SNX29: variants seen among roughly 807,000 people sequenced by gnomAD.
SNX29 encodes the protein sorting nexin-29.
Under a neutral mutation model 102.1 loss-of-function variants are expected in SNX29, and 78 were observed. The ratio of observed to expected loss-of-function variants is 0.76; its 90% CI spans 0.64 to 0.92. SNX29 has a LOEUF of 0.92. Among genes scored for constraint, SNX29 ranks in the 40% least tolerant of loss-of-function variants. The pLI is 0.00. For synonymous variants in SNX29, 580 were observed against 414.5 expected (o/e 1.40, Z -4.85); for missense variants, 1,280 against 1,061.7 (o/e 1.21, Z -2.86).
intron 19 of SNX29, among the ~76,000 whole-genome samples, chr16:12,478,968 G>A (rs1189289932): frequency 6.6e-6 from 1 of 152,184 alleles, no homozygotes; most frequent in Non-Finnish European, 1.5e-5. Flanking sequence ...AGTCTGATTG[G>A]AAGGTAGAGC....
intron 15 of SNX29, among the ~76,000 whole-genome samples, chr16:12,286,784 T>C (rs2079612597): frequency 6.6e-6 from 1 of 152,154 alleles, no homozygotes; most frequent in African/African-American, 2.4e-5. Flanking sequence ...CTGTATCCCG[T>C]CCCACCCATC....
intron 4 of SNX29, among the ~76,000 whole-genome samples, chr16:12,041,071 T>C (rs2049861167): frequency 6.6e-6 from 1 of 152,124 alleles, no homozygotes. Context: ...CCTCCCAAAG[T>C]GCTTGGATTA....
Position 12,570,699 on chromosome 16 carries a change from C to G in SNX29, c.*2070C>G, listed in dbSNP as rs913660187. 2 of 232,022 alleles carry G rather than the reference C, an allele frequency of 8.6e-6. No individual in the cohort carries two copies. Among genetic ancestry groups the G allele is most frequent in the South Asian group, 1.8e-4 (1 of 5,508 alleles). 14.4% of individuals were successfully genotyped at this position (232,022 alleles called of 1,614,324 possible). On this transcript the variant is annotated 3_prime_UTR_variant, in exon 21 of 21. Transcript: ENST00000566228. ...CCTGCACCTTTTCTGACACCTGCCC[C>G]CAAAGCACAGGATGTGAATTGGTCT... is the stretch of plus-strand genomic sequence containing the variant.
intron 18 of SNX29, among the ~76,000 whole-genome samples, chr16:12,471,581 A>T (rs1438690127): frequency 1.3e-5 from 2 of 152,180 alleles, no homozygotes; most frequent in Admixed American, 1.3e-4. Flanking sequence ...GTGGATGTGT[A>T]CCCACAGAGC....
intron 17 of SNX29, 116 bp from the exon 18 acceptor site, chr16:12,403,332 T>G: frequency 2.2e-6 from 2 of 908,254 alleles, no homozygotes; most frequent in South Asian, 3.1e-5. Context: ...TGTCATAAAT[T>G]GCTTGTGCAT....
intron 20 of SNX29, among the ~76,000 whole-genome samples, chr16:12,540,650 A>C (rs1002144112): frequency 1.3e-5 from 2 of 152,284 alleles, no homozygotes; most frequent in East Asian, 3.9e-4. Context: ...CCCATCTCAA[A>C]AGCCTGAATG....
intron 20 of SNX29, among the ~76,000 whole-genome samples, chr16:12,544,903 C>G (rs2077517533): frequency 6.6e-6 from 1 of 152,186 alleles, no homozygotes; most frequent in Non-Finnish European, 1.5e-5. Context: ...GGCCAGTAAT[C>G]AATAGTCATT....
chr16:12,035,627 A>G (rs1341792765), intron 4 of SNX29, among the ~76,000 whole-genome samples: 1 of 152,220 alleles, frequency 6.6e-6, no homozygotes, highest in Non-Finnish European at 1.5e-5. Flanking sequence ...AGGCTGGCAC[A>G]TGAGTGAACT....
At chr16:12,520,449 C>T (rs564238245) in intron 19 of SNX29, among the ~76,000 whole-genome samples, 1 of 152,338 alleles carries the variant, frequency 6.6e-6, no homozygotes, top group East Asian at 1.9e-4. Context: ...CTAGTCTTGA[C>T]CCTTTGTGCA....
chr16:12,164,905 C>T (rs915029270), intron 13 of SNX29, among the ~76,000 whole-genome samples: 1 of 152,106 alleles, frequency 6.6e-6, no homozygotes, highest in Non-Finnish European at 1.5e-5. Context: ...TCAGGCTGGT[C>T]TTGAACTCCT....
chr16:12,241,012 T>G (rs1299794653), intron 14 of SNX29, among the ~76,000 whole-genome samples: 2 of 152,220 alleles, frequency 1.3e-5, no homozygotes, highest in Non-Finnish European at 2.9e-5. Context: ...GTGACTTTTT[T>G]TGTGTGGAAT....
At chr16:12,543,258 C>G (rs1045144983) in intron 20 of SNX29, among the ~76,000 whole-genome samples, 13 of 152,178 alleles carry the variant, frequency 8.5e-5, no homozygotes, top group African/African-American at 1.2e-4. Flanking sequence ...TGATGCAGCT[C>G]TGGGTCATCA....
At chr16:12,497,822 A>G (rs1000988977) in intron 19 of SNX29, among the ~76,000 whole-genome samples, 6 of 152,192 alleles carry the variant, frequency 3.9e-5, no homozygotes, top group African/African-American at 1.4e-4. Flanking sequence ...TTTCAGTCTC[A>G]GCACTGATGC....
intron 18 of SNX29, among the ~76,000 whole-genome samples, chr16:12,404,457 C>G (rs2084084877): frequency 6.6e-6 from 1 of 152,104 alleles, no homozygotes. Context: ...TTTGGTGTGC[C>G]CTTGTTCTGG....
intron 19 of SNX29, among the ~76,000 whole-genome samples, chr16:12,483,741 C>A (rs988421373): frequency 6.6e-6 from 1 of 152,214 alleles, no homozygotes; most frequent in Non-Finnish European, 1.5e-5. Flanking sequence ...TGGGTTGGCT[C>A]TGGGCTCTGC....
intron 20 of SNX29, among the ~76,000 whole-genome samples, chr16:12,540,980 G>A (rs2077308609): frequency 6.6e-6 from 1 of 152,172 alleles, no homozygotes; most frequent in African/African-American, 2.4e-5. Context: ...GATGCTACAG[G>A]GGAAAAATGG....
intron 11 of SNX29, 63 bp from the exon 12 acceptor site, chr16:12,126,570 G>A: frequency 1.3e-6 from 2 of 1,534,250 alleles, no homozygotes; most frequent in South Asian, 1.1e-5. Flanking sequence ...ATCCAGAGAG[G>A]TGAGGGCATG....
intron 14 of SNX29, among the ~76,000 whole-genome samples, chr16:12,218,866 C>T (rs968828091): frequency 5.3e-5 from 8 of 152,136 alleles, no homozygotes; most frequent in African/African-American, 1.9e-4. Context: ...GCTCCACCTG[C>T]CGGGTTCACG....
At chr16:12,386,997 C>T (rs1018892220) in intron 16 of SNX29, among the ~76,000 whole-genome samples, 13 of 152,104 alleles carry the variant, frequency 8.5e-5, no homozygotes, top group Admixed American at 1.3e-4. Context: ...TGGTGGCATA[C>T]GCCTGTCATC....
Sources: gnomAD v4.1 joint callset for allele counts (sites outside exome capture counted in the v4.1 genomes callset) on GRCh38, gnomAD v4.1.1 for gene constraint, MANE v1.5 for transcripts, NCBI Gene and HGNC (gene_info 2026-07-23, HGNC 2026-07-21) for gene names.